CNTNAP5: variants seen among roughly 807,000 people sequenced by gnomAD.
The protein encoded by CNTNAP5 is contactin-associated protein-like 5.
A neutral mutation model predicts 150.2 loss-of-function variants in CNTNAP5; 72 were observed. That is an observed-to-expected ratio of 0.48 (90% confidence interval 0.40 to 0.58). The LOEUF (loss-of-function observed/expected upper bound fraction) is 0.58. Among genes scored for constraint, CNTNAP5 ranks in the 20% least tolerant of loss-of-function variants. The probability of loss-of-function intolerance (pLI) is 0.00; values close to 1 mark genes in which losing one functional copy is unlikely to be tolerated. For synonymous variants in CNTNAP5, 672 were observed against 619.8 expected, an observed-to-expected ratio of 1.08 and a Z score of -1.25; for missense variants, 1,636 against 1,626.2, an observed-to-expected ratio of 1.01 and a Z score of -0.10.
intron 13 of CNTNAP5, among the ~76,000 whole-genome samples, chr2:124,699,819 TTTCTTTCC>T (rs1679482874): frequency 1.3e-5 from 2 of 151,582 alleles, no homozygotes; most frequent in African/African-American, 4.8e-5. Context: ...TCTTTCTTTC[TTTCTTTCC>T]TTCTCTTTCT....
intron 12 of CNTNAP5, among the ~76,000 whole-genome samples, chr2:124,629,640 C>A (rs115419885): frequency 0.018 from 2,747 of 152,078 alleles, 32 homozygotes; most frequent in Non-Finnish European, 0.027. Flanking sequence ...CCTACCATCA[C>A]AACTAATAGA....
At chr2:124,242,549 G>A (rs938161114) in intron 3 of CNTNAP5, 156 bp downstream of exon 3, 23 of 681,246 alleles carry the variant, frequency 3.4e-5, no homozygotes, top group African/African-American at 3.1e-4. Context: ...GCCCATGCCC[G>A]GCATGGTTCT....
chr2:124,672,995 G>GA (rs1678855022), intron 13 of CNTNAP5, among the ~76,000 whole-genome samples: 1 of 151,976 alleles, frequency 6.6e-6, no homozygotes, highest in Non-Finnish European at 1.5e-5. Flanking sequence ...ATAGAAAACA[G>GA]AAAAAATATT....
At chr2:124,263,234 A>G (rs149019403) in intron 3 of CNTNAP5, among the ~76,000 whole-genome samples, 28,728 of 152,144 alleles carry the variant, frequency 0.19, 2,881 homozygotes, top group Non-Finnish European at 0.22. Context: ...ACTGTCTTCC[A>G]CAATGGTTGA....
intron 12 of CNTNAP5, among the ~76,000 whole-genome samples, chr2:124,642,171 T>A (rs542869446): frequency 6.6e-6 from 1 of 152,292 alleles, no homozygotes; most frequent in African/African-American, 2.4e-5. Flanking sequence ...TCTGGGGTAA[T>A]GACCAGGGAA....
At chr2:124,187,368 TA>T in intron 1 of CNTNAP5, among the ~76,000 whole-genome samples, 1 of 152,310 alleles carries the variant, frequency 6.6e-6, no homozygotes, top group South Asian at 2.1e-4. Flanking sequence ...GAATTTGAGC[TA>T]AGATCTGCCT....
chr2:124,469,310 G>A (rs917071383), intron 6 of CNTNAP5, among the ~76,000 whole-genome samples: 1 of 152,106 alleles, frequency 6.6e-6, no homozygotes, highest in African/African-American at 2.4e-5. Context: ...TTAAAAGACA[G>A]CAGCTTTTTT....
chr2:124,850,609 A>G (rs1474478492), intron 19 of CNTNAP5, among the ~76,000 whole-genome samples: 2 of 152,244 alleles, frequency 1.3e-5, no homozygotes, highest in Non-Finnish European at 2.9e-5. Context: ...GAGACAAAAC[A>G]GATGGTAAAT....
At chr2:124,451,994 C>G (rs1170801248) in intron 6 of CNTNAP5, among the ~76,000 whole-genome samples, 1 of 152,102 alleles carries the variant, frequency 6.6e-6, no homozygotes, top group Non-Finnish European at 1.5e-5. Context: ...AGAAGGAAAT[C>G]TCTAGGTGAA....
intron 12 of CNTNAP5, among the ~76,000 whole-genome samples, chr2:124,643,136 A>C (rs1196053436): frequency 2.6e-4 from 39 of 152,226 alleles, no homozygotes; most frequent in Admixed American, 2.5e-3. Context: ...ATGCTTAGTG[A>C]AGTGGCCCTA....
At chr2:124,172,692 G>A (rs951855061) in intron 1 of CNTNAP5, among the ~76,000 whole-genome samples, 1 of 152,122 alleles carries the variant, frequency 6.6e-6, no homozygotes, top group Non-Finnish European at 1.5e-5. Context: ...GGGATTACAG[G>A]TGTGAGCCAT....
chr2:124,649,257 C>T (rs926406767), intron 13 of CNTNAP5, among the ~76,000 whole-genome samples: 10 of 152,108 alleles, frequency 6.6e-5, no homozygotes, highest in African/African-American at 1.2e-4. Flanking sequence ...TTAGATCAGA[C>T]GTACTGGTTC....
chr2:124,606,686 A>G (rs2104980248), intron 11 of CNTNAP5, among the ~76,000 whole-genome samples: 1 of 152,328 alleles, frequency 6.6e-6, no homozygotes, highest in South Asian at 2.1e-4. Flanking sequence ...GCAAGGAGGA[A>G]CAATTCACAT....
chr2:124,243,535 T>G (rs1369116312), intron 3 of CNTNAP5, among the ~76,000 whole-genome samples: 1 of 152,154 alleles, frequency 6.6e-6, no homozygotes, highest in African/African-American at 2.4e-5. Context: ...TTATTCTGGG[T>G]CACTTGTAAT....
rs891207918 is a variant in CNTNAP5 at position 124,569,686 on chromosome 2, C to T, written c.1756+6363C>T. 2.6e-5 allele frequency among the ~76,000 whole-genome samples: 4 copies of T among 152,156 alleles called. No homozygotes were observed. In the East Asian group the frequency reaches 7.7e-4, roughly 29 times the overall value. ...GCCAATCCCTTTTCAACAGTGTAGG[C>T]TCTCTGACATCCTAACAATGCCCTT... On this transcript the variant is annotated intron_variant, in intron 11 of 23. Transcript: ENST00000682447.
chr2:124,318,461 C>A (rs1352208849), intron 3 of CNTNAP5, among the ~76,000 whole-genome samples: 1 of 152,084 alleles, frequency 6.6e-6, no homozygotes, highest in Non-Finnish European at 1.5e-5. Flanking sequence ...AGGTACAGTG[C>A]AGAGACTTGT....
chr2:124,632,235 A>G (rs1440888177), intron 12 of CNTNAP5, among the ~76,000 whole-genome samples: 1 of 152,224 alleles, frequency 6.6e-6, no homozygotes, highest in East Asian at 1.9e-4. Flanking sequence ...TTATTCTATT[A>G]TAAAGTTACA....
At chr2:124,833,760 T>G (rs907430250) in intron 19 of CNTNAP5, among the ~76,000 whole-genome samples, 2 of 102,048 alleles carry the variant, frequency 2.0e-5, no homozygotes, top group Admixed American at 2.0e-4. Flanking sequence ...GGTTTTAGAT[T>G]ACAGAGGCAC....
intron 11 of CNTNAP5, among the ~76,000 whole-genome samples, chr2:124,607,320 G>A (rs1677262390): frequency 6.6e-6 from 1 of 152,084 alleles, no homozygotes; most frequent in Non-Finnish European, 1.5e-5. Flanking sequence ...CCCATTCTCA[G>A]GGCATGCTAC....
Sources: allele counts gnomAD v4.1 joint callset (sites outside exome capture counted in the v4.1 genomes callset), GRCh38; gene constraint gnomAD v4.1.1; transcripts MANE v1.5; gene names NCBI Gene and HGNC (gene_info 2026-07-23, HGNC 2026-07-21).